CRPPA: variants seen among roughly 807,000 people sequenced by gnomAD.
The protein encoded by CRPPA is D-ribitol-5-phosphate cytidylyltransferase.
Under a neutral mutation model 52.0 loss-of-function variants are expected in CRPPA, and 43 were observed. The ratio of observed to expected loss-of-function variants is 0.83; its 90% CI spans 0.65 to 1.07. The LOEUF (loss-of-function observed/expected upper bound fraction) is 1.07. CRPPA is among the 50% of genes least tolerant of loss of function. CRPPA has a pLI of 0.00. For missense variants in CRPPA, 629 were observed against 551.7 expected (o/e 1.14, Z -1.40); for synonymous variants, 250 against 203.5 (o/e 1.23, Z -1.94).
chr7:16,167,667 C>T (rs985998740), intron 9 of CRPPA, among the ~76,000 whole-genome samples: 3 of 152,214 alleles, frequency 2.0e-5, no homozygotes, highest in African/African-American at 4.8e-5. Context: ...GAGCCACTGA[C>T]ACCTTGGAAA....
chr7:16,129,908 G>A (rs1782650144), intron 9 of CRPPA, among the ~76,000 whole-genome samples: 2 of 152,094 alleles, frequency 1.3e-5, no homozygotes, highest in Admixed American at 1.3e-4. Flanking sequence ...CAACCCTTCT[G>A]ACACATAAAC....
intron 2 of CRPPA, among the ~76,000 whole-genome samples, chr7:16,398,063 C>G (rs1009335056): frequency 5.3e-5 from 8 of 152,184 alleles, no homozygotes; most frequent in Admixed American, 2.6e-4. Flanking sequence ...ATCGAAATGA[C>G]CAGGGCATGA....
At chr7:16,349,526 C>A (rs933547752) in intron 3 of CRPPA, among the ~76,000 whole-genome samples, 2 of 151,916 alleles carry the variant, frequency 1.3e-5, no homozygotes. Flanking sequence ...AACATGCTCA[C>A]CAAGGTGAGA....
intron 9 of CRPPA, among the ~76,000 whole-genome samples, chr7:16,180,639 T>C (rs1781393893): frequency 6.6e-6 from 1 of 152,114 alleles, no homozygotes; most frequent in Admixed American, 6.5e-5. Flanking sequence ...ACAATTTTAT[T>C]CTGGAATTGA....
chr7:16,328,720 G>A (rs1183381320), intron 3 of CRPPA, among the ~76,000 whole-genome samples: 1 of 152,032 alleles, frequency 6.6e-6, no homozygotes, highest in African/African-American at 2.4e-5. Context: ...TCACCATGTT[G>A]GCCAGGCTGG....
chr7:16,398,134 T>C (rs1275539925), intron 2 of CRPPA, among the ~76,000 whole-genome samples: 1 of 152,028 alleles, frequency 6.6e-6, no homozygotes, highest in African/African-American at 2.4e-5. Flanking sequence ...TATTCGCACT[T>C]GACTGACACA....
At chr7:16,286,019 T>TAAAA (rs1562608190) in intron 5 of CRPPA, among the ~76,000 whole-genome samples, 1 of 15,070 alleles carries the variant, frequency 6.6e-5, no homozygotes, top group African/African-American at 3.5e-4. Flanking sequence ...AAACTCCATC[T>TAAAA]CAAAAAAAAA....
chr7:16,246,629 G>T (rs1418088223), intron 8 of CRPPA, among the ~76,000 whole-genome samples: 1 of 152,194 alleles, frequency 6.6e-6, no homozygotes, highest in Non-Finnish European at 1.5e-5. Context: ...TGTTGTGTTA[G>T]CAGATATAAA....
rs1562608190 is a variant in CRPPA, at chr7:16,286,019, T to TAA, written c.836-7794_836-7793insTT. On this transcript the variant is annotated intron_variant, in intron 5 of 9. Transcript: ENST00000407010. ...TAGGCAGTAAGAGTGAAACTCCATC[T>TAA]CAAAAAAAAAAAAAAAAAAATATAA... Among the ~76,000 whole-genome samples the TAA allele has an allele frequency of 5.3e-4, 8 of 15,060 alleles. 2 individuals carry two copies. Among genetic ancestry groups the TAA allele is most frequent in the African/African-American group, 2.4e-3 (7 of 2,876 alleles). The allele number at this position is 15,060 out of a possible 152,430, so 9.9% of individuals were successfully genotyped here. A position where few individuals can be genotyped will look rare whatever the true frequency, so the allele number is the denominator to read the frequency against.
chr7:16,149,982 TA>T (rs1157286745), intron 9 of CRPPA, among the ~76,000 whole-genome samples: 220 of 138,054 alleles, frequency 1.6e-3, no homozygotes, highest in Admixed American at 2.0e-3. Context: ...CGAGAGTCAT[TA>T]AAAAAAAAAA....
chr7:16,349,485 A>G (rs1217285691), intron 3 of CRPPA, among the ~76,000 whole-genome samples: 1 of 152,238 alleles, frequency 6.6e-6, no homozygotes, highest in East Asian at 1.9e-4. Context: ...TATGTGATTT[A>G]CCTGACAGGG....
intron 1 of CRPPA, among the ~76,000 whole-genome samples, chr7:16,414,524 A>G (rs1788146876): frequency 6.6e-6 from 1 of 152,178 alleles, no homozygotes; most frequent in African/African-American, 2.4e-5. Context: ...ACATCAATTG[A>G]TAAATTGTGA....
chr7:16,173,785 A>C (rs1781240640), intron 9 of CRPPA, among the ~76,000 whole-genome samples: 1 of 152,196 alleles, frequency 6.6e-6, no homozygotes, highest in African/African-American at 2.4e-5. Context: ...ATAGATTGAG[A>C]TATACCACGC....
At chr7:16,336,445 T>C (rs981235978) in intron 3 of CRPPA, among the ~76,000 whole-genome samples, 2 of 151,926 alleles carry the variant, frequency 1.3e-5, no homozygotes, top group Admixed American at 6.6e-5. Flanking sequence ...AAATATTTTA[T>C]GTAAGCCTTA....
intron 8 of CRPPA, among the ~76,000 whole-genome samples, chr7:16,245,155 A>G (rs1259272306): frequency 6.6e-6 from 1 of 152,176 alleles, no homozygotes; most frequent in Non-Finnish European, 1.5e-5. Flanking sequence ...AGTGCCTGAT[A>G]GGCAATTTTC....
intron 9 of CRPPA, among the ~76,000 whole-genome samples, chr7:16,163,427 T>A (rs1283781981): frequency 1.3e-5 from 2 of 152,060 alleles, no homozygotes. Context: ...ATGAGATGGG[T>A]CTCCTTAATA....
intron 3 of CRPPA, among the ~76,000 whole-genome samples, chr7:16,322,499 G>A (rs1184245568): frequency 3.3e-5 from 5 of 152,030 alleles, no homozygotes; most frequent in Admixed American, 6.6e-5. Flanking sequence ...TCCCATTTTC[G>A]CCAAAAACAA....
intron 5 of CRPPA, among the ~76,000 whole-genome samples, chr7:16,286,095 A>ATATATATATAT (rs1554309930): frequency 6.0e-4 from 16 of 26,518 alleles, no homozygotes; most frequent in African/African-American, 5.0e-3. Context: ...TTTAAAAAAA[A>ATATATATATAT]AAATATATAT....
At chr7:16,200,793 AACAG>A (rs373642285) in intron 9 of CRPPA, among the ~76,000 whole-genome samples, 5 of 152,198 alleles carry the variant, frequency 3.3e-5, no homozygotes, top group African/African-American at 9.6e-5. Flanking sequence ...ATGCAGACCT[AACAG>A]ACAATGAATT....
Sources: allele counts gnomAD v4.1 joint callset (sites outside exome capture counted in the v4.1 genomes callset), GRCh38; gene constraint gnomAD v4.1.1; transcripts MANE v1.5; gene names NCBI Gene and HGNC (gene_info 2026-07-23, HGNC 2026-07-21).